Variants in NDUFA10 observed in about 807,000 individuals in gnomAD.
NDUFA10 encodes NADH:ubiquinone oxidoreductase subunit A10.
NDUFA10 carries 40 observed loss-of-function variants against 47.8 expected under a neutral mutation model. That is an observed-to-expected ratio of 0.84 (90% CI 0.65 to 1.09). The LOEUF is 1.09. Ranked by LOEUF, NDUFA10 falls within the 50% of genes least tolerant of loss-of-function variation. The probability of loss-of-function intolerance (pLI) is 0.00; values close to 1 mark genes in which losing one functional copy is unlikely to be tolerated. For missense variants in NDUFA10, 413 were observed against 451.1 expected (o/e 0.92, Z 0.76); for synonymous variants, 183 against 172.2 (o/e 1.06, Z -0.49).
Position 239,959,100 on chromosome 2 carries a change from T to C in NDUFA10, c.*2018A>G. 5 of 985,458 alleles carry C rather than the reference T, an allele frequency of 5.1e-6. No individual in the cohort carries two copies. The highest frequency in any genetic ancestry group is 6.0e-6 in the Non-Finnish European group (5 of 829,942). The allele number at this position is 985,458 out of a possible 1,614,324, so 61.0% of individuals were successfully genotyped here. On this transcript the variant is annotated 3_prime_UTR_variant, in exon 10 of 10. Coordinates refer to ENST00000252711, the MANE Select transcript of NDUFA10 (RefSeq NM_004544.4). ...TTTCTCTGCTGAACATGCATGTCAT[T>C]GAAAACACCAGAAAATCAAACAGAC...
chr2:239,916,011 C>T (rs1287140140), intron 4 of NDUFA10, among the ~76,000 whole-genome samples: 1 of 134,478 alleles, frequency 7.4e-6, no homozygotes, highest in South Asian at 2.4e-4. Flanking sequence ...CACAAATATA[C>T]AGATACATAG....
intron 4 of NDUFA10, among the ~76,000 whole-genome samples, chr2:239,908,401 AAAAC>A (rs1166305718): frequency 6.6e-6 from 1 of 152,224 alleles, no homozygotes; most frequent in Non-Finnish European, 1.5e-5. Context: ...CATAATTAAA[AAAAC>A]AAAAGAAAAA....
At chr2:239,990,541 A>G (rs1696201585) in intron 8 of NDUFA10, among the ~76,000 whole-genome samples, 1 of 152,248 alleles carries the variant, frequency 6.6e-6, no homozygotes, top group Non-Finnish European at 1.5e-5. Context: ...AAATGGTTAC[A>G]TGACAGTGCT....
rs34277046 is a variant in NDUFA10, at chr2:239,957,914, G to A, written c.*3204C>T. 0.28 allele frequency: 43,215 copies of A among 152,176 alleles called. 6,830 individuals are homozygous for A. The highest frequency in any genetic ancestry group is 0.38 in the East Asian group (1,945 of 5,168). The allele number at this position is 152,176 out of a possible 1,614,324, so 9.4% of individuals were successfully genotyped here. Reference sequence around the variant, plus strand: ...AAGCTCGCTGCTTCGAGTCACACACGTGTTGCTGTTATAAGGTCCTTTGCT... The same window carrying A: ...AAGCTCGCTGCTTCGAGTCACACACATGTTGCTGTTATAAGGTCCTTTGCT... On this transcript the variant is annotated 3_prime_UTR_variant, in exon 10 of 10. Transcript: ENST00000252711.
chr2:239,992,170 G>A (rs1696278920), intron 8 of NDUFA10, among the ~76,000 whole-genome samples: 2 of 152,148 alleles, frequency 1.3e-5, no homozygotes, highest in South Asian at 4.1e-4. Context: ...AAAAGGCAGT[G>A]AAAGAAAATA....
At chr2:239,998,220 C>A (rs997216721) in intron 8 of NDUFA10, among the ~76,000 whole-genome samples, 1 of 152,106 alleles carries the variant, frequency 6.6e-6, no homozygotes, top group Non-Finnish European at 1.5e-5. Flanking sequence ...TCATTTCAGT[C>A]CCCTCACCCC....
intron 4 of NDUFA10, among the ~76,000 whole-genome samples, chr2:239,911,240 C>T (rs1271073229): frequency 6.6e-6 from 1 of 152,126 alleles, no homozygotes. Context: ...CACACCCTGA[C>T]CTGGGAGAAG....
chr2:239,938,611 C>T (rs1247056149), intron 4 of NDUFA10, among the ~76,000 whole-genome samples: 1 of 152,180 alleles, frequency 6.6e-6, no homozygotes, highest in African/African-American at 2.4e-5. Context: ...TGTGGTTAAT[C>T]CACTGCCATG....
intron 4 of NDUFA10, among the ~76,000 whole-genome samples, chr2:239,946,555 T>C (rs778953258): frequency 6.6e-6 from 1 of 152,194 alleles, no homozygotes; most frequent in East Asian, 1.9e-4. Flanking sequence ...CGTTCAGGTA[T>C]CCAGGTCAAC....
intron 3 of NDUFA10, 23 bp downstream of exon 3, chr2:240,021,174 C>G: frequency 6.3e-7 from 1 of 1,599,088 alleles, no homozygotes; most frequent in South Asian, 1.1e-5. Context: ...CAGAACAGAT[C>G]TAACTGCCCA....
chr2:239,935,906 G>A (rs1694259512), intron 4 of NDUFA10, among the ~76,000 whole-genome samples: 1 of 152,216 alleles, frequency 6.6e-6, no homozygotes, highest in Non-Finnish European at 1.5e-5. Context: ...TCTTGACCGG[G>A]TATGTCTTTA....
intron 9 of NDUFA10, among the ~76,000 whole-genome samples, chr2:239,974,051 C>G (rs533456556): frequency 1.3e-5 from 2 of 152,138 alleles, no homozygotes; most frequent in Non-Finnish European, 2.9e-5. Flanking sequence ...CTCAGCCTCC[C>G]GAGTAGGTGG....
At chr2:239,898,984 T>A (rs78762788) in intron 4 of NDUFA10, among the ~76,000 whole-genome samples, 1,797 of 97,120 alleles carry the variant, frequency 0.019, 23 homozygotes, top group Middle Eastern at 0.034. Flanking sequence ...AGAGGTATGA[T>A]GGAGAGGTGT....
At chr2:239,907,737 T>C (rs1350597432) in intron 4 of NDUFA10, among the ~76,000 whole-genome samples, 5 of 152,080 alleles carry the variant, frequency 3.3e-5, no homozygotes, top group Admixed American at 1.3e-4. Flanking sequence ...CATTAAAAAG[T>C]CAGGAAACAA....
At chr2:239,977,906 G>A (rs1445457546) in intron 9 of NDUFA10, among the ~76,000 whole-genome samples, 1 of 152,116 alleles carries the variant, frequency 6.6e-6, no homozygotes. Flanking sequence ...CTCCACACAT[G>A]GCCAATCCAA....
intron 9 of NDUFA10, among the ~76,000 whole-genome samples, chr2:239,984,738 T>G (rs1695927770): frequency 6.6e-6 from 1 of 152,220 alleles, no homozygotes; most frequent in Non-Finnish European, 1.5e-5. Context: ...GGGAGGGCCC[T>G]GGATGCCAAG....
chr2:239,935,764 T>G (rs534481632), intron 4 of NDUFA10, among the ~76,000 whole-genome samples: 2 of 152,214 alleles, frequency 1.3e-5, no homozygotes, highest in South Asian at 2.1e-4. Context: ...AACTCCTTTC[T>G]CTTGGCTCCC....
At chr2:239,943,397 C>T (rs2106379814) in intron 4 of NDUFA10, among the ~76,000 whole-genome samples, 1 of 152,298 alleles carries the variant, frequency 6.6e-6, no homozygotes, top group East Asian at 1.9e-4. Flanking sequence ...TGCAGTGGCG[C>T]AATCAGAGCT....
At chr2:239,921,162 C>A (rs575382735) in intron 4 of NDUFA10, among the ~76,000 whole-genome samples, 1 of 152,206 alleles carries the variant, frequency 6.6e-6, no homozygotes, top group African/African-American at 2.4e-5. Context: ...CCTGCAGGAA[C>A]CGGGGCATGA....
Sources: allele counts gnomAD v4.1 joint callset (sites outside exome capture counted in the v4.1 genomes callset), GRCh38; gene constraint gnomAD v4.1.1; transcripts MANE v1.5; gene names NCBI Gene and HGNC (gene_info 2026-07-23, HGNC 2026-07-21).